The following OR51C1 variants were observed in gnomAD, a reference collection of about 807,000 sequenced individuals.
OR51C1 encodes the protein olfactory receptor family 51 subfamily C member 1, also known as olfactory receptor OR51C1.
At chr11:4,692,248 C>A in the OR51C1 span, 1 of 383,732 alleles carries the variant, frequency 2.6e-6, no homozygotes, top group Non-Finnish European at 5.2e-6. Context: ...CAAAGTAACA[C>A]ATAGGAAGTG....
the OR51C1 span, chr11:4,697,710 G>A: frequency 6.6e-6 from 1 of 152,646 alleles, no homozygotes; most frequent in Admixed American, 6.5e-5. Flanking sequence ...GGCTGAGGAG[G>A]CTTTAGATTC....
At chr11:4,691,658 C>T in the OR51C1 span, 6 of 407,530 alleles carry the variant, frequency 1.5e-5, no homozygotes, top group Admixed American at 8.7e-5. Flanking sequence ...CACCAGTGAG[C>T]AGGAAAATGA....
chr11:4,696,593 A>G, the OR51C1 span, among the ~76,000 whole-genome samples: 1 of 152,204 alleles, frequency 6.6e-6, no homozygotes, highest in East Asian at 1.9e-4. Context: ...AGGGGGACTA[A>G]TGAATATCCT....
chr11:4,694,396 CT>C, the OR51C1 span, among the ~76,000 whole-genome samples: 1 of 151,712 alleles, frequency 6.6e-6, no homozygotes, highest in African/African-American at 2.4e-5. Context: ...GTACCTTATT[CT>C]TTTTCCTAGC....
chr11:4,692,354 C>T, the OR51C1 span, among the ~76,000 whole-genome samples: 2 of 152,214 alleles, frequency 1.3e-5, no homozygotes, highest in Non-Finnish European at 2.9e-5. Context: ...CACAGACCTC[C>T]CACCAGGCTT....
At chr11:4,696,268 C>T in the OR51C1 span, among the ~76,000 whole-genome samples, 2 of 152,146 alleles carry the variant, frequency 1.3e-5, no homozygotes, top group African/African-American at 4.8e-5. Flanking sequence ...CTCTCGTCCC[C>T]TCCAAACCTG....
chr11:4,690,476 A>G, the OR51C1 span: 3 of 172,736 alleles, frequency 1.7e-5, no homozygotes, highest in South Asian at 3.9e-4. Context: ...ACAGAAGGCA[A>G]CAACAGTTTG....
chr11:4,693,299 G>A, the OR51C1 span, among the ~76,000 whole-genome samples: 111 of 152,334 alleles, frequency 7.3e-4, 1 homozygote, highest in Admixed American at 3.3e-3. Flanking sequence ...GGAATTACCA[G>A]AAAGAGAGCA....
At chr11:4,691,333 G>C in the OR51C1 span, 2 of 457,634 alleles carry the variant, frequency 4.4e-6, no homozygotes, top group Non-Finnish European at 4.4e-6. Context: ...GCCACAAAAC[G>C]ATCAAAAGCC....
chr11:4,692,562 A>G, the OR51C1 span, among the ~76,000 whole-genome samples: 1 of 152,174 alleles, frequency 6.6e-6, no homozygotes, highest in Non-Finnish European at 1.5e-5. Context: ...CAAACATCAC[A>G]TTTCTTTTTT....
At chr11:4,690,715 A>G in the OR51C1 span, 1 of 348,746 alleles carries the variant, frequency 2.9e-6, no homozygotes, top group South Asian at 2.3e-5. Context: ...GACCTGAAGT[A>G]TACCATCTTG....
At chr11:4,694,289 G>A in the OR51C1 span, among the ~76,000 whole-genome samples, 1 of 150,878 alleles carries the variant, frequency 6.6e-6, no homozygotes, top group South Asian at 2.1e-4. Context: ...TCTGTGTTGG[G>A]CCTAGCAAAA....
At chr11:4,697,709 G>C in the OR51C1 span, 1 of 152,650 alleles carries the variant, frequency 6.6e-6, no homozygotes, top group South Asian at 2.1e-4. Flanking sequence ...AGGCTGAGGA[G>C]GCTTTAGATT....
chr11:4,693,386 T>C, the OR51C1 span, among the ~76,000 whole-genome samples: 1 of 152,176 alleles, frequency 6.6e-6, no homozygotes, highest in South Asian at 2.1e-4. Context: ...TTTATGTAAG[T>C]TGAGACGAAG....
At chr11:4,696,134 C>G in the OR51C1 span, among the ~76,000 whole-genome samples, 1 of 152,098 alleles carries the variant, frequency 6.6e-6, no homozygotes, top group Non-Finnish European at 1.5e-5. Context: ...TTTTGGAGAA[C>G]AAAGCTCCTT....
chr11:4,692,484 A>G, the OR51C1 span, among the ~76,000 whole-genome samples: 48 of 152,382 alleles, frequency 3.1e-4, 2 homozygotes, highest in Admixed American at 2.6e-4. Context: ...TTGTTAAGAC[A>G]TACTTCTTAG....
chr11:4,695,795 G>A, the OR51C1 span, among the ~76,000 whole-genome samples: 3 of 150,212 alleles, frequency 2.0e-5, no homozygotes, highest in Non-Finnish European at 4.4e-5. Flanking sequence ...TTTCCTGTTT[G>A]TTAAACAATG....
chr11:4,691,027 T>C, the OR51C1 span: 2 of 456,424 alleles, frequency 4.4e-6, no homozygotes, highest in Non-Finnish European at 8.8e-6. Context: ...CTAAGGACAG[T>C]CCTAATGATC....
chr11:4,695,638 G>A, the OR51C1 span, among the ~76,000 whole-genome samples: 2 of 152,032 alleles, frequency 1.3e-5, no homozygotes, highest in African/African-American at 2.4e-5. Context: ...GATGTCACCC[G>A]TGATTTTCTA....
Sources: allele counts gnomAD v4.1 joint callset (sites outside exome capture counted in the v4.1 genomes callset), GRCh38; gene constraint gnomAD v4.1.1; transcripts MANE v1.5; gene names NCBI Gene and HGNC (gene_info 2026-07-23, HGNC 2026-07-21).